SLC25A25: variants seen among roughly 807,000 people sequenced by gnomAD.
SLC25A25 encodes solute carrier family 25 member 25.
In SLC25A25, 32 loss-of-function variants were observed where a neutral mutation model predicts 57.7. The ratio of observed to expected loss-of-function variants is 0.55; its 90% CI spans 0.42 to 0.74. The LOEUF is 0.74. Among genes scored for constraint, SLC25A25 ranks in the 30% least tolerant of loss-of-function variants. SLC25A25 has a pLI of 0.00. For missense variants in SLC25A25, 556 were observed against 701.3 expected (o/e 0.79, Z 2.34); for synonymous variants, 306 against 291.2 (o/e 1.05, Z -0.52).
chr9:128,098,511 T>G, intron 1 of SLC25A25: 1 of 1,563,648 alleles, frequency 6.4e-7, no homozygotes, highest in Non-Finnish European at 8.7e-7. Flanking sequence ...ACCGGCAGCA[T>G]TTAGGGAACT....
intron 1 of SLC25A25, among the ~76,000 whole-genome samples, chr9:128,078,761 T>C (rs562157871): frequency 2.0e-5 from 3 of 152,318 alleles, no homozygotes; most frequent in African/African-American, 4.8e-5. Context: ...GAAGTGGGAC[T>C]AAGGCTCGGA....
intron 1 of SLC25A25, among the ~76,000 whole-genome samples, chr9:128,100,243 G>A (rs1833733781): frequency 6.6e-6 from 1 of 152,142 alleles, no homozygotes; most frequent in Non-Finnish European, 1.5e-5. Flanking sequence ...CACGCCCTGC[G>A]GCCGGTGCTA....
At chr9:128,088,458 GCCCTGGCCTGGCCTC>G in intron 1 of SLC25A25, among the ~76,000 whole-genome samples, 1 of 152,320 alleles carries the variant, frequency 6.6e-6, no homozygotes, top group East Asian at 1.9e-4. Context: ...CACTCTAGCT[GCCCTGGCCTGGCCTC>G]CCCAGCCTCT....
chr9:128,080,481 C>CT (rs11445322), intron 1 of SLC25A25, among the ~76,000 whole-genome samples: 100,078 of 141,798 alleles, frequency 0.71, 37,739 homozygotes, highest in Non-Finnish European at 0.84. Flanking sequence ...CCTTGTTGGG[C>CT]TTTTTTTTTT....
At chr9:128,083,152 C>T (rs1474407731) in intron 1 of SLC25A25, among the ~76,000 whole-genome samples, 3 of 151,426 alleles carry the variant, frequency 2.0e-5, no homozygotes, top group Non-Finnish European at 4.4e-5. Flanking sequence ...TGCTTGAACC[C>T]GGGAGGTGGA....
intron 1 of SLC25A25, among the ~76,000 whole-genome samples, chr9:128,078,600 C>G (rs1037810427): frequency 2.4e-4 from 36 of 152,196 alleles, no homozygotes; most frequent in Admixed American, 6.5e-5. Context: ...AGAAACCGGA[C>G]CTCCTCATCT....
At position 128,107,120 on chromosome 9, in the gene SLC25A25, C is replaced by A; in HGVS notation, c.1304C>A (p.Thr435Asn). ...VLLACGTMSS[T>N]CGQLASYPLA... is the part of the protein sequence containing the mutation. ...CTGGCCTGTGGCACCATGTCCAGTACCTGTGGCCAGCTGGCCAGCTACCCC... is the reference window on the plus strand; with the variant it reads ...CTGGCCTGTGGCACCATGTCCAGTAACTGTGGCCAGCTGGCCAGCTACCCC... The change falls in exon 10 of 11, where the codon ACC becomes AAC. Residue 435 changes from threonine to asparagine, a missense_variant. Thr to Asn is a moderately conservative substitution (Grantham distance 65). Transcript: ENST00000373069. 6.2e-7 allele frequency: 1 copy of A among 1,614,096 alleles called. No individual in the cohort carries two copies. The highest frequency in any genetic ancestry group is 8.5e-7 in the Non-Finnish European group (1 of 1,180,036).
At position 128,107,344 on chromosome 9, in the gene SLC25A25, G is replaced by A; in HGVS notation, c.1448G>A (p.Arg483Lys). Residue 483 changes from arginine to lysine, a missense_variant, in exon 11 of 11, where the codon AGG (arginine) becomes AAG (lysine). By Grantham distance (26) the Arg-to-Lys change is conservative. Around this residue, in one of 3 missense-constraint regions of SLC25A25, gnomAD observed 294 missense variants for 389.6 expected, o/e 0.75. Coordinates refer to ENST00000373069, the MANE Select transcript of SLC25A25 (RefSeq NM_001330988.2). ...ACCGAGGGGGCCTTCGGGCTGTACA[G>A]GGGGCTGGCCCCCAACTTCATGAAG... ...LRTEGAFGLYRGLAPNFMKVI... is the reference protein window; with the variant it reads ...LRTEGAFGLYKGLAPNFMKVI... The A allele has an allele frequency of 6.5e-7, 1 of 1,527,752 alleles. No individual in the cohort carries two copies. Among genetic ancestry groups the A allele is most frequent in the Non-Finnish European group, 8.8e-7 (1 of 1,135,544 alleles). The allele number at this position is 1,527,752 out of a possible 1,614,324, so 94.6% of individuals were successfully genotyped here. A position where few individuals can be genotyped will look rare whatever the true frequency, so the allele number is the denominator to read the frequency against.
In SLC25A25 at chr9:128,103,675, TCA is replaced by T; in HGVS notation, c.625-3_625-2del. The T allele has an allele frequency of 1.2e-6, 2 of 1,614,180 alleles. No homozygotes were observed. The highest frequency in any genetic ancestry group is 4.5e-5 in the East Asian group (2 of 44,876). ...TGAGTCAGGCTTGTGCCATCTTTCCTCACAGATCTTTGATGTGGGTGAGAATC... is the reference window on the plus strand; with the variant it reads ...TGAGTCAGGCTTGTGCCATCTTTCCTCAGATCTTTGATGTGGGTGAGAATC... On this transcript the variant is annotated splice_region_variant and splice_polypyrimidine_tract_variant and intron_variant, in intron 5 of 10. Coordinates refer to ENST00000373069, the MANE Select transcript of SLC25A25 (RefSeq NM_001330988.2). The surrounding 1 kb of genome is among the most constrained non-coding windows in gnomAD (Gnocchi z 6.7).
rs756564949 is a variant in SLC25A25 at position 128,106,343 on chromosome 9, T to C, written c.1045-10T>C. 6.2e-7 allele frequency: 1 copy of C among 1,613,742 alleles called. No individual in the cohort carries two copies. The highest frequency in any genetic ancestry group is 8.5e-7 in the Non-Finnish European group (1 of 1,179,788). On this transcript the variant is annotated splice_polypyrimidine_tract_variant and intron_variant, in intron 8 of 10. Coordinates refer to ENST00000373069, the MANE Select transcript of SLC25A25 (RefSeq NM_001330988.2). ...CTGTGCTCACGCGTCCCGCTGCTCC[T>C]GTTGTGCAGGTCCTGAAGACCCGGA...
chr9:128,068,500 CG>C lies in SLC25A25; in HGVS notation c.184del (p.Asp62ThrfsTer40). ...ACTCTTTCAGACGCTCGACGTCAAC[CG>C]GGACGGCGGCCTGTGTGTCAACGAC... is the stretch of plus-strand genomic sequence containing the variant. ...WRLFQTLDVN[R>X]DGGLCVNDLA... On this transcript the variant is annotated frameshift_variant, in exon 1 of 11. Coordinates refer to ENST00000373069, the MANE Select transcript of SLC25A25 (RefSeq NM_001330988.2). LOFTEE classifies it high-confidence loss of function. 6.6e-7 allele frequency: 1 copy of C among 1,509,696 alleles called. No individual in the cohort carries two copies. The highest frequency in any genetic ancestry group is 2.0e-5 in the Admixed American group (1 of 48,802). 93.5% of individuals were successfully genotyped at this position (1,509,696 alleles called of 1,614,324 possible).
chr9:128,098,366 C>A, intron 1 of SLC25A25: 2 of 1,024,718 alleles, frequency 2.0e-6, no homozygotes, highest in Non-Finnish European at 2.6e-6. Context: ...CCTTCTCCCC[C>A]GGGCTCTGTG....
intron 1 of SLC25A25, among the ~76,000 whole-genome samples, chr9:128,096,363 G>A (rs1490475160): frequency 1.3e-5 from 2 of 152,138 alleles, no homozygotes; most frequent in Non-Finnish European, 2.9e-5. Flanking sequence ...ACAAAAATCA[G>A]CCAGGCGTGG....
chr9:128,068,411 C>T lies in SLC25A25; in HGVS notation c.92C>T (p.Ser31Phe). 6.4e-7 allele frequency: 1 copy of T among 1,559,052 alleles called. No individual in the cohort carries two copies. The highest frequency in any genetic ancestry group is 1.9e-5 in the Admixed American group (1 of 53,358). Residue 31 changes from serine (S) to phenylalanine (F), a missense_variant, in exon 1 of 11, where the codon TCC becomes TTC. By Grantham distance (155) the Ser-to-Phe change is radical. Coordinates refer to ENST00000373069, the MANE Select transcript of SLC25A25 (RefSeq NM_001330988.2). ...TCTTCGTCTGCCTCATCGCCGGCGTCCGTGGGGGACCCCTGCGGCGGCGCT... is the reference window on the plus strand; with the variant it reads ...TCTTCGTCTGCCTCATCGCCGGCGTTCGTGGGGGACCCCTGCGGCGGCGCT... ...AASSSASSPASVGDPCGGAIC... is the reference protein window; with the variant it reads ...AASSSASSPAFVGDPCGGAIC...
chr9:128,106,968 C>A (rs1032143849), intron 9 of SLC25A25, 61 bp from the exon 10 acceptor site: 4 of 1,566,808 alleles, frequency 2.6e-6, no homozygotes, highest in Non-Finnish European at 3.5e-6. Flanking sequence ...GTAACAGCCC[C>A]GTCTCTTGCT....
chr9:128,103,582 G>A lies in SLC25A25; in HGVS notation c.625-99G>A. ...TCCTTGGCCTTCTCCCTGTCCTGTG[G>A]TCCCTGGCCTGGAGCCGTGCTAGAG... On this transcript the variant is annotated intron_variant, in intron 5 of 10. Coordinates refer to ENST00000373069, the MANE Select transcript of SLC25A25 (RefSeq NM_001330988.2). This position sits in a 1 kb window ranked among gnomAD's most constrained non-coding sequence, Gnocchi z 6.7. The A allele has an allele frequency of 9.3e-6, 14 of 1,500,594 alleles. No homozygotes were observed. The highest frequency in any genetic ancestry group is 2.3e-5 in the South Asian group (2 of 85,872). The allele number at this position is 1,500,594 out of a possible 1,614,324, so 93.0% of individuals were successfully genotyped here.
rs1383754683 is a variant in SLC25A25 at position 128,103,745 on chromosome 9, G to A, written c.689G>A (p.Gly230Glu). 1 of 1,614,180 alleles carries A rather than the reference G, an allele frequency of 6.2e-7. No individual in the cohort carries two copies. Among genetic ancestry groups the A allele is most frequent in the African/African-American group, 1.3e-5 (1 of 75,066 alleles). Residue 230 changes from glycine to glutamate, a missense_variant, in exon 6 of 11, where the codon GGG becomes GAG. Gly to Glu is a moderately conservative substitution (Grantham distance 98). Coordinates refer to ENST00000373069, the MANE Select transcript of SLC25A25 (RefSeq NM_001330988.2). The surrounding 1 kb of genome is among the most constrained non-coding windows in gnomAD (Gnocchi z 6.7). ...TTCACAGTGGAGGAGAGGCAGACGG[G>A]GATGTGGTGGAGACACCTGGTGGCA... is the stretch of plus-strand genomic sequence containing the variant. ...DEFTVEERQT[G>E]MWWRHLVAGG...
chr9:128,097,241 C>T (rs1255528531), intron 1 of SLC25A25, among the ~76,000 whole-genome samples: 2 of 152,142 alleles, frequency 1.3e-5, no homozygotes, highest in Non-Finnish European at 2.9e-5. Flanking sequence ...TCTCTTCCTC[C>T]GCAGCACGAA....
chr9:128,108,562 G>C lies in SLC25A25; in HGVS notation c.*1118G>C, dbSNP rs542129619. 5 of 261,450 alleles carry C rather than the reference G, an allele frequency of 1.9e-5. No homozygotes were observed. The South Asian group carries it at 8.6e-4, about 45-fold the overall frequency. The allele number at this position is 261,450 out of a possible 1,614,324, so 16.2% of individuals were successfully genotyped here. A position where few individuals can be genotyped will look rare whatever the true frequency, so the allele number is the denominator to read the frequency against. On this transcript the variant is annotated 3_prime_UTR_variant, in exon 11 of 11. Transcript: ENST00000373069. ...GAGTTATGTCCTAACTATTTTTATA[G>C]ATTTGTTTAATTAATAGCTTGTCAT...
Sources: gnomAD v4.1 joint callset for allele counts (sites outside exome capture counted in the v4.1 genomes callset) on GRCh38, gnomAD v4.1.1 for gene constraint, gnomAD v4.1.1 regional missense constraint, Gnocchi (gnomAD v3.1) non-coding constraint, MANE v1.5 for transcripts, NCBI Gene and HGNC (gene_info 2026-07-23, HGNC 2026-07-21) for gene names.